Variants in RAP1GDS1 observed in about 807,000 individuals in gnomAD.
RAP1GDS1 encodes the protein RAP1, GTP-GDP dissociation stimulator 1.
A neutral mutation model predicts 71.1 loss-of-function variants in RAP1GDS1; 35 were observed. The observed-to-expected ratio is 0.49, with a 90% confidence interval of 0.38 to 0.65. The LOEUF is 0.65. Among genes scored for constraint, RAP1GDS1 ranks in the 30% least tolerant of loss-of-function variants. The probability of loss-of-function intolerance (pLI) is 0.00; values close to 1 mark genes in which losing one functional copy is unlikely to be tolerated. For missense variants in RAP1GDS1, 663 were observed against 706.1 expected (o/e 0.94, Z 0.69); for synonymous variants, 229 against 243.1 (o/e 0.94, Z 0.54).
chr4:98,313,229 T>A (rs967193382), intron 2 of RAP1GDS1, among the ~76,000 whole-genome samples: 5 of 152,158 alleles, frequency 3.3e-5, no homozygotes, highest in Non-Finnish European at 5.9e-5. Context: ...TTTCTTCTTA[T>A]TTGGGTAAGG....
chr4:98,408,114 T>C (rs942847558), intron 7 of RAP1GDS1, among the ~76,000 whole-genome samples: 2 of 151,296 alleles, frequency 1.3e-5, no homozygotes, highest in Admixed American at 6.6e-5. Flanking sequence ...ATTTTTTTTT[T>C]TCCCTCCCCC....
chr4:98,350,898 A>G (rs1044988193), intron 3 of RAP1GDS1, among the ~76,000 whole-genome samples: 1 of 152,164 alleles, frequency 6.6e-6, no homozygotes, highest in Non-Finnish European at 1.5e-5. Context: ...AGCTCCAGCT[A>G]TGCAGGAGGC....
chr4:98,284,482 G>T (rs150579859), intron 1 of RAP1GDS1, among the ~76,000 whole-genome samples: 54 of 152,212 alleles, frequency 3.5e-4, no homozygotes, highest in Admixed American at 1.0e-3. Context: ...GCTGTTTATT[G>T]TACTATTTTA....
At chr4:98,357,640 GTTTT>G (rs747692972) in intron 4 of RAP1GDS1, among the ~76,000 whole-genome samples, 75 of 151,796 alleles carry the variant, frequency 4.9e-4, no homozygotes, top group Admixed American at 1.1e-3. Flanking sequence ...CACTAAATAT[GTTTT>G]TTTATCAGAA....
intron 6 of RAP1GDS1, among the ~76,000 whole-genome samples, chr4:98,404,118 T>C (rs1041759258): frequency 3.9e-5 from 6 of 152,140 alleles, no homozygotes; most frequent in Admixed American, 2.0e-4. Context: ...GTAGAAAACA[T>C]TCCACTTTAA....
At chr4:98,348,402 TTATGAA>T (rs1489896440) in intron 3 of RAP1GDS1, among the ~76,000 whole-genome samples, 1 of 152,230 alleles carries the variant, frequency 6.6e-6, no homozygotes, top group African/African-American at 2.4e-5. Context: ...GTTTTTGCTA[TTATGAA>T]TAGTGCCACA....
At chr4:98,318,419 CTAA>C (rs1333534472) in intron 2 of RAP1GDS1, among the ~76,000 whole-genome samples, 3 of 152,120 alleles carry the variant, frequency 2.0e-5, no homozygotes, top group Admixed American at 2.0e-4. Context: ...ACAACAATAA[CTAA>C]TGATAAAATA....
At chr4:98,285,416 C>T (rs890229543) in intron 1 of RAP1GDS1, among the ~76,000 whole-genome samples, 2 of 152,024 alleles carry the variant, frequency 1.3e-5, no homozygotes, top group Non-Finnish European at 2.9e-5. Context: ...TAAATTTTAC[C>T]AGTTTGGCTA....
intron 7 of RAP1GDS1, among the ~76,000 whole-genome samples, chr4:98,413,227 T>TC (rs1747344186): frequency 6.6e-6 from 1 of 151,848 alleles, no homozygotes; most frequent in African/African-American, 2.4e-5. Flanking sequence ...TACTATTTTT[T>TC]TTTTTATTAT....
At chr4:98,415,716 T>A (rs969159635) in intron 7 of RAP1GDS1, among the ~76,000 whole-genome samples, 2 of 152,176 alleles carry the variant, frequency 1.3e-5, no homozygotes, top group African/African-American at 4.8e-5. Flanking sequence ...AATTGGGATG[T>A]AAATTCTGTC....
At chr4:98,418,566 C>T in intron 9 of RAP1GDS1, 91 bp from the exon 10 acceptor site, 3 of 1,156,868 alleles carry the variant, frequency 2.6e-6, no homozygotes, top group Non-Finnish European at 3.5e-6. Flanking sequence ...GCTCCATTTT[C>T]CCTAATGTAG....
chr4:98,308,792 G>T (rs1289557900), intron 2 of RAP1GDS1, among the ~76,000 whole-genome samples: 1 of 152,050 alleles, frequency 6.6e-6, no homozygotes, highest in Non-Finnish European at 1.5e-5. Flanking sequence ...TGGAATTAAT[G>T]ACATGAATGT....
rs571155855 is a variant in RAP1GDS1 at position 98,283,043 on chromosome 4, C to T, written c.5-10365C>T. On this transcript the variant is annotated intron_variant, in intron 1 of 14. Coordinates refer to ENST00000408927, the MANE Select transcript of RAP1GDS1 (RefSeq NM_001100427.2). ...CGTTAAAAAAAAATTGCCTTTAAAA[C>T]GGTGAGAAACACATACCATCAAAGT... 3.1e-4 allele frequency among the ~76,000 whole-genome samples: 47 copies of T among 152,082 alleles called. 1 individual carries two copies. In the South Asian group the frequency reaches 8.1e-3, roughly 26 times the overall value.
rs1032649801 is a variant in RAP1GDS1, at chr4:98,443,064, AGT to A, written c.*949_*950del. ...GCTGTTTTTCATCATTCAGCTAGAA[AGT>A]GAGAAGTTTTATCTTCCATAGTCCT... is the stretch of plus-strand genomic sequence containing the variant. On this transcript the variant is annotated 3_prime_UTR_variant, in exon 15 of 15. Transcript: ENST00000408927. The A allele has an allele frequency of 1.5e-5, 3 of 202,688 alleles. No homozygotes were observed. The highest frequency in any genetic ancestry group is 2.8e-5 in the Non-Finnish European group (3 of 107,294). 12.6% of individuals were successfully genotyped at this position (202,688 alleles called of 1,614,324 possible).
rs114809832 is a variant in RAP1GDS1 at position 98,277,964 on chromosome 4, C to T, written c.5-15444C>T. Among the ~76,000 whole-genome samples the T allele has an allele frequency of 7.6e-3, 1,161 of 152,310 alleles. 15 individuals carry two copies. Among genetic ancestry groups the T allele is most frequent in the African/African-American group, 0.027 (1,109 of 41,574 alleles). ...CGCTTTCTAGCCAAGTGGTGGCTTA[C>T]GCCTGTAATCTCAGCACTTTGGGAG... On this transcript the variant is annotated intron_variant, in intron 1 of 14. Coordinates refer to ENST00000408927, the MANE Select transcript of RAP1GDS1 (RefSeq NM_001100427.2).
chr4:98,400,543 A>C (rs529997200), intron 6 of RAP1GDS1, among the ~76,000 whole-genome samples: 10 of 151,688 alleles, frequency 6.6e-5, no homozygotes, highest in East Asian at 3.9e-4. Context: ...AAAAAAAAAA[A>C]AAAACGGATA....
At chr4:98,289,808 G>A (rs1372879649) in intron 1 of RAP1GDS1, among the ~76,000 whole-genome samples, 1 of 152,006 alleles carries the variant, frequency 6.6e-6, no homozygotes, top group African/African-American at 2.4e-5. Flanking sequence ...GCCCCAAATT[G>A]ACTTAATGCC....
intron 2 of RAP1GDS1, among the ~76,000 whole-genome samples, chr4:98,328,558 G>A (rs1170052267): frequency 6.6e-6 from 1 of 152,122 alleles, no homozygotes; most frequent in African/African-American, 2.4e-5. Context: ...GAAAATTTAG[G>A]ATTCGTTCTA....
Position 98,416,883 on chromosome 4 carries a change from T to C in RAP1GDS1, c.902T>C (p.Leu301Pro). The C allele has an allele frequency of 6.2e-7, 1 of 1,611,334 alleles. No homozygotes were observed. The highest frequency in any genetic ancestry group is 8.5e-7 in the Non-Finnish European group (1 of 1,179,200). Reference sequence around the variant, plus strand: ...TCAGATCTCATGGTTTTATTACTTCTTGGAGGTGAGTTGTAATTTATGCCA... The same window carrying C: ...TCAGATCTCATGGTTTTATTACTTCCTGGAGGTGAGTTGTAATTTATGCCA... ...TGSDLMVLLL[L>P]GDESMQKLFE... Residue 301 changes from leucine to proline, a missense_variant, in exon 8 of 15, where the codon CTT (leucine) becomes CCT (proline). Leu to Pro is a moderately conservative substitution (Grantham distance 98). Transcript: ENST00000408927.
Sources: allele counts gnomAD v4.1 joint callset (sites outside exome capture counted in the v4.1 genomes callset), GRCh38; gene constraint gnomAD v4.1.1; transcripts MANE v1.5; gene names NCBI Gene and HGNC (gene_info 2026-07-23, HGNC 2026-07-21).